The following AIG1 variants were observed in gnomAD, a reference collection of about 807,000 sequenced individuals.
AIG1 encodes the protein androgen-induced gene 1 protein.
In AIG1, 23 loss-of-function variants were observed where a neutral mutation model predicts 31.4. That is an observed-to-expected ratio of 0.73 (90% CI 0.53 to 1.04). The LOEUF (loss-of-function observed/expected upper bound fraction) is 1.04, where lower values mean the gene tolerates loss of function less well. Among genes scored for constraint, AIG1 ranks in the 50% least tolerant of loss-of-function variants. AIG1 has a pLI of 0.00. For missense variants in AIG1, 274 were observed against 295.0 expected (o/e 0.93, Z 0.52); for synonymous variants, 100 against 110.5 (o/e 0.90, Z 0.60).
intron 3 of AIG1, among the ~76,000 whole-genome samples, chr6:143,200,332 GA>G: frequency 6.6e-6 from 1 of 152,062 alleles, no homozygotes; most frequent in East Asian, 2.0e-4. Flanking sequence ...ACATCATTGT[GA>G]AAATGACATA....
At chr6:143,316,647 A>T (rs761373020) in intron 4 of AIG1, among the ~76,000 whole-genome samples, 1 of 152,150 alleles carries the variant, frequency 6.6e-6, no homozygotes, top group Non-Finnish European at 1.5e-5. Context: ...GAAGTAACCA[A>T]GATCAGAGCT....
At chr6:143,094,510 C>A (rs778892692) in intron 1 of AIG1, among the ~76,000 whole-genome samples, 3 of 152,052 alleles carry the variant, frequency 2.0e-5, no homozygotes, top group African/African-American at 7.2e-5. Flanking sequence ...GAGAACCAGC[C>A]GGTGAGTAGG....
At chr6:143,219,494 A>T (rs1293558144) in intron 3 of AIG1, among the ~76,000 whole-genome samples, 2 of 152,096 alleles carry the variant, frequency 1.3e-5, no homozygotes, top group African/African-American at 4.8e-5. Flanking sequence ...AACAAAACAA[A>T]ACAAAACTGG....
At chr6:143,155,713 G>T (rs913928994) in intron 2 of AIG1, among the ~76,000 whole-genome samples, 1 of 152,098 alleles carries the variant, frequency 6.6e-6, no homozygotes, top group South Asian at 2.1e-4. Flanking sequence ...ATTATAAAAC[G>T]CACAAAGGAA....
chr6:143,212,088 C>G (rs1046020093), intron 3 of AIG1, among the ~76,000 whole-genome samples: 2 of 152,112 alleles, frequency 1.3e-5, no homozygotes, highest in Non-Finnish European at 2.9e-5. Flanking sequence ...AGCAACATCC[C>G]TGGCCTCTTC....
chr6:143,300,809 T>G (rs1798771147), intron 4 of AIG1, among the ~76,000 whole-genome samples: 1 of 152,170 alleles, frequency 6.6e-6, no homozygotes, highest in Admixed American at 6.5e-5. Flanking sequence ...TGTAAGCCTT[T>G]GAATGAATTT....
chr6:143,061,264 C>G (rs1412513733), intron 1 of AIG1, 198 bp downstream of exon 1: 3 of 723,338 alleles, frequency 4.1e-6, no homozygotes, highest in Admixed American at 2.0e-5. Flanking sequence ...TTCTGAACCA[C>G]TCACCGTTAC....
intron 3 of AIG1, among the ~76,000 whole-genome samples, chr6:143,208,815 G>C (rs1791350352): frequency 6.6e-6 from 1 of 151,960 alleles, no homozygotes; most frequent in African/African-American, 2.4e-5. Context: ...GATCTCCTAG[G>C]ATCCTTAAAA....
rs925522299 is a variant in AIG1 at position 143,302,017 on chromosome 6, T to A, written c.515+17792T>A. ...GTTAATAACCCTCCGTTGTCTTATA[T>A]TATTGCCCTGGAGACAAATAGAACT... On this transcript the variant is annotated intron_variant, in intron 4 of 5. Coordinates refer to ENST00000357847, the MANE Select transcript of AIG1 (RefSeq NM_016108.4). 2.0e-5 allele frequency among the ~76,000 whole-genome samples: 3 copies of A among 152,146 alleles called. No homozygotes were observed. The East Asian group carries it at 5.8e-4, about 29-fold the overall frequency.
chr6:143,277,863 A>G (rs1280372770), intron 3 of AIG1, among the ~76,000 whole-genome samples: 1 of 152,200 alleles, frequency 6.6e-6, no homozygotes. Flanking sequence ...GTCTTCAAAT[A>G]TTGCCTATTA....
intron 3 of AIG1, among the ~76,000 whole-genome samples, chr6:143,171,495 A>AAT (rs1554253978): frequency 8.2e-6 from 1 of 121,954 alleles, no homozygotes; most frequent in Non-Finnish European, 1.6e-5. Flanking sequence ...TTAAATATAT[A>AAT]ATATATATTT....
intron 2 of AIG1, among the ~76,000 whole-genome samples, chr6:143,153,005 G>A (rs1304172161): frequency 2.0e-5 from 3 of 152,176 alleles, no homozygotes; most frequent in African/African-American, 7.2e-5. Context: ...CAAGATTGGT[G>A]TGGTTTCAGC....
intron 3 of AIG1, among the ~76,000 whole-genome samples, chr6:143,245,911 G>A (rs1038692001): frequency 6.6e-6 from 1 of 152,104 alleles, no homozygotes; most frequent in African/African-American, 2.4e-5. Context: ...CGGGGTTTAG[G>A]GCACGGTTGT....
At chr6:143,252,010 C>T (rs1026141043) in intron 3 of AIG1, among the ~76,000 whole-genome samples, 3 of 152,226 alleles carry the variant, frequency 2.0e-5, no homozygotes, top group Non-Finnish European at 4.4e-5. Flanking sequence ...TCGCGTATCA[C>T]TTATTTGTCT....
At chr6:143,139,406 G>A (rs978765754) in intron 2 of AIG1, among the ~76,000 whole-genome samples, 9 of 151,258 alleles carry the variant, frequency 6.0e-5, no homozygotes, top group African/African-American at 2.2e-4. Context: ...CACTGCGCCA[G>A]GGCCTCCCGT....
intron 4 of AIG1, among the ~76,000 whole-genome samples, chr6:143,310,621 A>G (rs902038985): frequency 2.0e-5 from 3 of 151,392 alleles, no homozygotes; most frequent in African/African-American, 4.8e-5. Flanking sequence ...ATTAAAGAAG[A>G]AATAAATAAA....
chr6:143,162,595 A>G (rs1173345984), intron 2 of AIG1, among the ~76,000 whole-genome samples: 2 of 152,098 alleles, frequency 1.3e-5, no homozygotes, highest in Non-Finnish European at 2.9e-5. Context: ...CACTCTCTTG[A>G]TTAGGTTATG....
At chr6:143,131,235 C>T (rs1245803704) in intron 1 of AIG1, among the ~76,000 whole-genome samples, 1 of 152,088 alleles carries the variant, frequency 6.6e-6, no homozygotes, top group African/African-American at 2.4e-5. Context: ...TTCTTCCTTT[C>T]CCCCAATTTT....
chr6:143,237,112 G>C (rs1310266435), intron 3 of AIG1, among the ~76,000 whole-genome samples: 1 of 152,192 alleles, frequency 6.6e-6, no homozygotes, highest in Non-Finnish European at 1.5e-5. Flanking sequence ...GAGTTTAACT[G>C]TTTTGTATAC....
Sources: allele counts gnomAD v4.1 joint callset (sites outside exome capture counted in the v4.1 genomes callset), GRCh38; gene constraint gnomAD v4.1.1; transcripts MANE v1.5; gene names NCBI Gene and HGNC (gene_info 2026-07-23, HGNC 2026-07-21).